The following DGKB variants were observed in gnomAD, a reference collection of about 807,000 sequenced individuals.
The protein encoded by DGKB is diacylglycerol kinase beta, also known as 90 kDa diacylglycerol kinase.
In DGKB, 67 loss-of-function variants were observed where a neutral mutation model predicts 114.3. The observed-to-expected ratio is 0.59, with a 90% CI of 0.48 to 0.72. The LOEUF (loss-of-function observed/expected upper bound fraction) is 0.72. Among genes scored for constraint, DGKB ranks in the 30% least tolerant of loss-of-function variants. DGKB has a pLI of 0.00. For missense variants in DGKB, 907 were observed against 975.2 expected, an observed-to-expected ratio of 0.93 and a Z score of 0.93; for synonymous variants, 398 against 323.1, an observed-to-expected ratio of 1.23 and a Z score of -2.49.
intron 23 of DGKB, among the ~76,000 whole-genome samples, chr7:14,260,841 A>ACATCTACAAAAAGCTAATTCATTGCT (rs1314808646): frequency 6.6e-6 from 1 of 152,224 alleles, no homozygotes; most frequent in Admixed American, 6.5e-5. Flanking sequence ...AACTTGTTTT[A>ACATCTACAAAAAGCTAATTCATTGCT]CATCTACAAA....
rs763853167 is a variant in DGKB at position 14,613,436 on chromosome 7, G to A, written c.1285-23C>T. On this transcript the variant is annotated intron_variant, in intron 15 of 25. Transcript: ENST00000402815. ...GACCTATAAGAAAAGTTATATACAT[G>A]GAAAAATTATTAGGCCCATTATATA... 3.4e-5 allele frequency: 46 copies of A among 1,362,492 alleles called. No individual in the cohort carries two copies. In the African/African-American group the frequency reaches 5.4e-4, roughly 16 times the overall value. The allele number at this position is 1,362,492 out of a possible 1,614,324, so 84.4% of individuals were successfully genotyped here. A position where few individuals can be genotyped will look rare whatever the true frequency, so the allele number is the denominator to read the frequency against.
intron 23 of DGKB, among the ~76,000 whole-genome samples, chr7:14,306,575 G>A (rs1478714170): frequency 1.3e-5 from 2 of 152,064 alleles, no homozygotes; most frequent in Non-Finnish European, 2.9e-5. Context: ...AGAATCTGTG[G>A]ATAGTCCAGT....
chr7:14,471,232 AATATATGTATACATAC>A lies in DGKB; in HGVS notation c.1835+6913_1835+6928del, dbSNP rs1322369047. 7.6e-5 allele frequency among the ~76,000 whole-genome samples: 8 copies of A among 105,464 alleles called. 3 individuals carry two copies. The highest frequency in any genetic ancestry group is 8.1e-4 in the East Asian group (2 of 2,476). The allele number at this position is 105,464 out of a possible 152,430, so 69.2% of individuals were successfully genotyped here. On this transcript the variant is annotated intron_variant, in intron 21 of 25. Coordinates refer to ENST00000402815, the MANE Select transcript of DGKB (RefSeq NM_001350709.2). Reference sequence around the variant, plus strand: ...TGTATATATACATATATATGTATGGAATATATGTATACATACATATATGTGTATGGAATATATGTGT... The same window carrying A: ...TGTATATATACATATATATGTATGGAATATATGTGTATGGAATATATGTGT...
At chr7:14,526,722 A>G (rs920781530) in intron 20 of DGKB, among the ~76,000 whole-genome samples, 17 of 152,152 alleles carry the variant, frequency 1.1e-4, no homozygotes, top group Admixed American at 5.2e-4. Context: ...CATTTTCATC[A>G]GACTGATTTT....
intron 20 of DGKB, among the ~76,000 whole-genome samples, chr7:14,566,581 C>T (rs764165704): frequency 6.6e-6 from 1 of 152,104 alleles, no homozygotes; most frequent in Admixed American, 6.6e-5. Context: ...TTACCTCATT[C>T]CCTAATGATA....
intron 6 of DGKB, among the ~76,000 whole-genome samples, chr7:14,705,450 T>C (rs1826028627): frequency 1.3e-5 from 2 of 151,200 alleles, no homozygotes; most frequent in Non-Finnish European, 2.9e-5. Context: ...AACGTTCAGA[T>C]TCAGGAAATA....
At chr7:14,582,146 A>G (rs1800023685) in intron 18 of DGKB, among the ~76,000 whole-genome samples, 1 of 152,162 alleles carries the variant, frequency 6.6e-6, no homozygotes, top group Admixed American at 6.5e-5. Context: ...AATTCGTTTT[A>G]TGAAAGGGCC....
intron 2 of DGKB, among the ~76,000 whole-genome samples, chr7:14,758,590 A>G (rs1038042429): frequency 2.0e-5 from 3 of 152,140 alleles, no homozygotes; most frequent in African/African-American, 4.8e-5. Context: ...AAATACATGG[A>G]TTTCCCAGTT....
At chr7:14,271,124 T>C (rs1798211292) in intron 23 of DGKB, among the ~76,000 whole-genome samples, 1 of 152,204 alleles carries the variant, frequency 6.6e-6, no homozygotes, top group Non-Finnish European at 1.5e-5. Context: ...AGGGCAATTT[T>C]TTTAAACTGA....
chr7:14,646,746 G>C (rs892351849), intron 13 of DGKB, among the ~76,000 whole-genome samples: 1 of 147,168 alleles, frequency 6.8e-6, no homozygotes, highest in African/African-American at 2.5e-5. Flanking sequence ...TGACAAACAG[G>C]TCAATAAGGA....
chr7:14,918,860 T>G (rs537349496), intron 1 of DGKB, among the ~76,000 whole-genome samples: 1 of 151,920 alleles, frequency 6.6e-6, no homozygotes, highest in South Asian at 2.1e-4. Flanking sequence ...GTCGGGAGTT[T>G]GAAACCAACT....
intron 23 of DGKB, among the ~76,000 whole-genome samples, chr7:14,289,114 A>T (rs1801340139): frequency 6.6e-6 from 1 of 152,236 alleles, no homozygotes; most frequent in South Asian, 2.1e-4. Flanking sequence ...GAGGCTTTAA[A>T]AATGACTATA....
chr7:14,584,751 TG>T (rs1326377186), intron 17 of DGKB, among the ~76,000 whole-genome samples: 2 of 151,942 alleles, frequency 1.3e-5, no homozygotes, highest in Middle Eastern at 6.3e-3. Context: ...CTCCTCCTCC[TG>T]GGTTCAAGGG....
At chr7:14,270,489 C>T (rs935234342) in intron 23 of DGKB, among the ~76,000 whole-genome samples, 1 of 152,084 alleles carries the variant, frequency 6.6e-6, no homozygotes, top group Non-Finnish European at 1.5e-5. Flanking sequence ...GACAGGGGCA[C>T]GGGGTTTACA....
chr7:14,595,611 TAA>T (rs1164024324), intron 17 of DGKB, among the ~76,000 whole-genome samples: 11 of 150,010 alleles, frequency 7.3e-5, no homozygotes, highest in Middle Eastern at 3.2e-3. Flanking sequence ...TAAATATGTA[TAA>T]ATAAATACTT....
intron 1 of DGKB, among the ~76,000 whole-genome samples, chr7:14,931,112 ATTTTT>A (rs543630712): frequency 1.8e-4 from 25 of 136,680 alleles, no homozygotes; most frequent in African/African-American, 6.8e-4. Flanking sequence ...GTTTGCTAGT[ATTTTT>A]TTTTTTTTTT....
chr7:14,873,505 A>T (rs1473353207), intron 1 of DGKB, among the ~76,000 whole-genome samples: 1 of 152,098 alleles, frequency 6.6e-6, no homozygotes, highest in African/African-American at 2.4e-5. Context: ...ATAACAAACT[A>T]TAGAAATTCA....
At chr7:14,449,043 A>G (rs1374244582) in intron 21 of DGKB, among the ~76,000 whole-genome samples, 1 of 152,118 alleles carries the variant, frequency 6.6e-6, no homozygotes, top group East Asian at 1.9e-4. Flanking sequence ...TCACAACTAC[A>G]TATAAAAACT....
At chr7:14,458,965 G>A (rs113079350) in intron 21 of DGKB, among the ~76,000 whole-genome samples, 2,288 of 152,268 alleles carry the variant, frequency 0.015, 27 homozygotes, top group Middle Eastern at 0.02. Context: ...TGAAATTCTC[G>A]CTGTCAGCAC....
Sources: gnomAD v4.1 joint callset for allele counts (sites outside exome capture counted in the v4.1 genomes callset) on GRCh38, gnomAD v4.1.1 for gene constraint, MANE v1.5 for transcripts, NCBI Gene and HGNC (gene_info 2026-07-23, HGNC 2026-07-21) for gene names.